UBE2J1: variants seen among roughly 807,000 people sequenced by gnomAD.
UBE2J1 encodes ubiquitin conjugating enzyme E2 J1.
UBE2J1 carries 17 observed loss-of-function variants against 42.1 expected under a neutral mutation model. The ratio of observed to expected loss-of-function variants is 0.40; its 90% CI spans 0.28 to 0.61. The LOEUF (loss-of-function observed/expected upper bound fraction) is 0.61. Ranked by LOEUF, UBE2J1 falls within the 20% of genes least tolerant of loss-of-function variation. UBE2J1 has a pLI of 0.38. For synonymous variants in UBE2J1, 127 were observed against 137.2 expected, an observed-to-expected ratio of 0.93 and a Z score of 0.52; for missense variants, 291 against 389.4, an observed-to-expected ratio of 0.75 and a Z score of 2.13.
intron 1 of UBE2J1, 43 bp from the exon 2 acceptor site, chr6:89,343,799 T>C (rs1768306220): frequency 1.4e-6 from 2 of 1,456,838 alleles, no homozygotes; most frequent in East Asian, 2.5e-5. Context: ...AAATATACTT[T>C]TCTGAATGAT....
intron 3 of UBE2J1, among the ~76,000 whole-genome samples, chr6:89,342,118 C>T (rs1768256498): frequency 6.6e-6 from 1 of 152,124 alleles, no homozygotes; most frequent in East Asian, 1.9e-4. Context: ...GACATTTATG[C>T]ATTCAGTTGT....
At position 89,327,193 on chromosome 6, in the gene UBE2J1, A is replaced by AT. The variant is rs35970693; in HGVS notation, c.*2485dup. 4,403 of 151,738 alleles carry AT rather than the reference A, an allele frequency of 0.029. 92 individuals are homozygous for AT. The highest frequency in any genetic ancestry group is 0.044 in the African/African-American group (1,803 of 41,150). The allele number at this position is 151,738 out of a possible 1,614,324, so 9.4% of individuals were successfully genotyped here. A position where few individuals can be genotyped will look rare whatever the true frequency, so the allele number is the denominator to read the frequency against. ...CAGTTACAGGTGAAACAGATTACGT[A>AT]TTTTTTTTTCAAGCATGCTATTTTA... On this transcript the variant is annotated 3_prime_UTR_variant, in exon 8 of 8. Coordinates refer to ENST00000435041, the MANE Select transcript of UBE2J1 (RefSeq NM_016021.3).
At chr6:89,352,433 G>A (rs1160374701) in intron 1 of UBE2J1, 106 bp downstream of exon 1, 1 of 1,309,028 alleles carries the variant, frequency 7.6e-7, no homozygotes, top group Admixed American at 2.2e-5. Context: ...GCGAAACCAG[G>A]AGCTGAGCCG....
intron 5 of UBE2J1, among the ~76,000 whole-genome samples, 194 bp from the exon 6 acceptor site, chr6:89,335,625 T>C (rs556773748): frequency 1.2e-3 from 183 of 152,318 alleles, no homozygotes; most frequent in Non-Finnish European, 1.8e-3. Context: ...AATGTTAGGC[T>C]GGCTTTAAAA....
chr6:89,351,709 C>G (rs1411797824), intron 1 of UBE2J1, among the ~76,000 whole-genome samples: 2 of 152,152 alleles, frequency 1.3e-5, no homozygotes, highest in Admixed American at 1.3e-4. Flanking sequence ...TTTCTTCCCC[C>G]TGACAAAATG....
At chr6:89,344,208 C>G (rs541998955) in intron 1 of UBE2J1, among the ~76,000 whole-genome samples, 1 of 152,260 alleles carries the variant, frequency 6.6e-6, no homozygotes, top group South Asian at 2.1e-4. Context: ...TTTGGCTCTA[C>G]CTGTTAAAAT....
intron 2 of UBE2J1, 147 bp downstream of exon 2, chr6:89,343,536 G>A (rs1768299519): frequency 6.2e-6 from 3 of 486,380 alleles, no homozygotes; most frequent in Non-Finnish European, 7.0e-6. Flanking sequence ...ATTTGGAATG[G>A]CTAATGAAAT....
In UBE2J1 at chr6:89,335,296, T is replaced by C; in HGVS notation, c.558+6A>G. ...AGATTAGCATTTATTTAAGAATTTA[T>C]AGTACCTTAAAGCTTATTTGCCTAG... On this transcript the variant is annotated splice_donor_region_variant and intron_variant, in intron 6 of 7. Transcript: ENST00000435041. 3 of 1,559,446 alleles carry C rather than the reference T, an allele frequency of 1.9e-6. No individual in the cohort carries two copies. Among genetic ancestry groups the C allele is most frequent in the Non-Finnish European group, 2.6e-6 (3 of 1,152,184 alleles).
intron 1 of UBE2J1, among the ~76,000 whole-genome samples, chr6:89,348,997 A>G (rs1426268518): frequency 1.3e-5 from 2 of 152,198 alleles, no homozygotes; most frequent in African/African-American, 4.8e-5. Flanking sequence ...CCACTTTGGG[A>G]AGCCAAGGTG....
At chr6:89,330,962 G>C (rs775973520) in intron 7 of UBE2J1, among the ~76,000 whole-genome samples, 21 of 152,190 alleles carry the variant, frequency 1.4e-4, no homozygotes, top group Non-Finnish European at 2.6e-4. Context: ...CTGACAGACT[G>C]CAAGAACAAA....
intron 6 of UBE2J1, among the ~76,000 whole-genome samples, chr6:89,334,821 A>G (rs1022578049): frequency 6.6e-6 from 1 of 152,082 alleles, no homozygotes; most frequent in Admixed American, 6.5e-5. Context: ...GCTAGAATTT[A>G]TTAAGCACCA....
rs1768041596 is a variant in UBE2J1 at position 89,333,146 on chromosome 6, T to C, written c.618A>G (p.Ser206=). 2 of 1,613,196 alleles carry C rather than the reference T, an allele frequency of 1.2e-6. No individual in the cohort carries two copies. ...GTATATCATCTTGTAAATCAGTTAG[T>C]GAAAAAGAGTGGTTTAAGTCTGACT... The part of the protein sequence containing the change: ...ISESDLNHSF[S]LTDLQDDIPT... Residue 206 remains serine (S), a synonymous_variant, in exon 7 of 8, where the codon TCA becomes TCG. Transcript: ENST00000435041.
At chr6:89,330,353 A>G (rs1174542236) in intron 7 of UBE2J1, among the ~76,000 whole-genome samples, 4 of 151,874 alleles carry the variant, frequency 2.6e-5, no homozygotes, top group Non-Finnish European at 5.9e-5. Context: ...ATCTTGTTAC[A>G]TTGCCCAGGC....
intron 1 of UBE2J1, among the ~76,000 whole-genome samples, chr6:89,351,986 GTGTTTTTTTGT>G (rs1768490392): frequency 6.6e-6 from 1 of 152,180 alleles, no homozygotes; most frequent in African/African-American, 2.4e-5. Flanking sequence ...GCTCAACGAG[GTGTTTTTTTGT>G]TGTTGTTTTG....
chr6:89,345,069 G>A (rs1768332518), intron 1 of UBE2J1, among the ~76,000 whole-genome samples: 2 of 152,184 alleles, frequency 1.3e-5, no homozygotes, highest in African/African-American at 4.8e-5. Context: ...CCAGATGCTG[G>A]GAGGACAGGC....
In UBE2J1 at chr6:89,338,446, A is replaced by AATTAACACT; in HGVS notation, c.322+4_322+12dup. ...AGTTATGAGATTTATATTCACTATA[A>AATTAACACT]ATTAACACTTACTACTCCACGAAGG... On this transcript the variant is annotated intron_variant, in intron 4 of 7. Transcript: ENST00000435041. 6.2e-7 allele frequency: 1 copy of AATTAACACT among 1,606,044 alleles called. No homozygotes were observed. The highest frequency in any genetic ancestry group is 8.5e-7 in the Non-Finnish European group (1 of 1,174,276).
intron 5 of UBE2J1, among the ~76,000 whole-genome samples, chr6:89,337,293 C>T (rs781127540): frequency 2.0e-5 from 3 of 147,120 alleles, no homozygotes; most frequent in Non-Finnish European, 4.5e-5. Context: ...AAAAAACCAA[C>T]GTAGTAAATC....
chr6:89,352,720 G>T lies in UBE2J1; in HGVS notation c.-151C>A, dbSNP rs1163336092. The T allele has an allele frequency of 4.7e-6, 4 of 845,712 alleles. No homozygotes were observed. Among genetic ancestry groups the T allele is most frequent in the Non-Finnish European group, 6.6e-6 (4 of 603,610 alleles). The allele number at this position is 845,712 out of a possible 1,614,324, so 52.4% of individuals were successfully genotyped here. A position where few individuals can be genotyped will look rare whatever the true frequency, so the allele number is the denominator to read the frequency against. ...CCAGTCCAGCCTGGACTGCGGGCGG[G>T]GTGGCAAGGCTGAGTGCGGGCGAGG... On this transcript the variant is annotated 5_prime_UTR_variant, in exon 1 of 8. Transcript: ENST00000435041.
rs1325318538 is a variant in UBE2J1 at position 89,335,292 on chromosome 6, T to C, written c.558+10A>G. The C allele has an allele frequency of 6.4e-7, 1 of 1,553,580 alleles. No individual in the cohort carries two copies. Among genetic ancestry groups the C allele is most frequent in the South Asian group, 1.2e-5 (1 of 80,870 alleles). On this transcript the variant is annotated intron_variant, in intron 6 of 7. Transcript: ENST00000435041. The stretch of plus-strand genomic sequence containing the variant: ...TGCAAGATTAGCATTTATTTAAGAA[T>C]TTATAGTACCTTAAAGCTTATTTGC...
Sources: allele counts gnomAD v4.1 joint callset (sites outside exome capture counted in the v4.1 genomes callset), GRCh38; gene constraint gnomAD v4.1.1; transcripts MANE v1.5; gene names NCBI Gene and HGNC (gene_info 2026-07-23, HGNC 2026-07-21).